TNFSF4: variants seen among roughly 807,000 people sequenced by gnomAD.
TNFSF4 encodes the protein tumor necrosis factor ligand superfamily member 4.
In TNFSF4, 4 loss-of-function variants were observed where a neutral mutation model predicts 7.3. The observed-to-expected ratio is 0.55, with a 90% CI of 0.27 to 1.25. The LOEUF (loss-of-function observed/expected upper bound fraction) is 1.25. Ranked by LOEUF, TNFSF4 falls within the 50% of genes most tolerant of loss-of-function variation. TNFSF4 has a pLI of 0.12. For synonymous variants in TNFSF4, 76 were observed against 83.7 expected, an observed-to-expected ratio of 0.91 and a Z score of 0.50; for missense variants, 181 against 208.8, an observed-to-expected ratio of 0.87 and a Z score of 0.82.
At chr1:173,411,261 T>TCAGGGG in the TNFSF4 span, among the ~76,000 whole-genome samples, 2 of 152,100 alleles carry the variant, frequency 1.3e-5, no homozygotes, top group African/African-American at 2.4e-5. Context: ...TGGACTAGTG[T>TCAGGGG]CAGGGGCAGG....
chr1:173,393,407 C>A, the TNFSF4 span, among the ~76,000 whole-genome samples: 1 of 152,236 alleles, frequency 6.6e-6, no homozygotes, highest in Non-Finnish European at 1.5e-5. Context: ...TGCCTCACAA[C>A]TGTCTCCTTG....
the TNFSF4 span, among the ~76,000 whole-genome samples, chr1:173,412,963 T>C: frequency 6.6e-6 from 1 of 152,196 alleles, no homozygotes; most frequent in Non-Finnish European, 1.5e-5. Context: ...ACATACTCAC[T>C]CCTGCATCCA....
At chr1:173,373,737 C>A in the TNFSF4 span, among the ~76,000 whole-genome samples, 1 of 152,188 alleles carries the variant, frequency 6.6e-6, no homozygotes, top group East Asian at 1.9e-4. Flanking sequence ...AGACTTCAAC[C>A]ATATGACTAA....
the TNFSF4 span, among the ~76,000 whole-genome samples, chr1:173,378,709 C>A: frequency 1.3e-5 from 2 of 152,158 alleles, no homozygotes; most frequent in African/African-American, 4.8e-5. Context: ...GGAGAATACA[C>A]AACTATGCAA....
chr1:173,377,539 C>T, the TNFSF4 span, among the ~76,000 whole-genome samples: 3 of 152,246 alleles, frequency 2.0e-5, no homozygotes, highest in Non-Finnish European at 4.4e-5. Flanking sequence ...TCCTATCGAT[C>T]CTGACCCTTG....
the TNFSF4 span, among the ~76,000 whole-genome samples, chr1:173,219,399 A>G: frequency 3.3e-5 from 5 of 152,176 alleles, no homozygotes; most frequent in Non-Finnish European, 5.9e-5. Context: ...TTTAAAGATC[A>G]TCTGTTTTGT....
At chr1:173,422,043 T>G in the TNFSF4 span, among the ~76,000 whole-genome samples, 37 of 152,150 alleles carry the variant, frequency 2.4e-4, no homozygotes, top group African/African-American at 8.2e-4. Flanking sequence ...CCCACAGCTA[T>G]ACGAGAACAC....
At chr1:173,422,629 G>T in the TNFSF4 span, among the ~76,000 whole-genome samples, 1 of 152,142 alleles carries the variant, frequency 6.6e-6, no homozygotes, top group African/African-American at 2.4e-5. Context: ...ACCAGGCTGA[G>T]GCTGAGAAGA....
the TNFSF4 span, among the ~76,000 whole-genome samples, chr1:173,360,913 C>A: frequency 6.6e-6 from 1 of 152,122 alleles, no homozygotes; most frequent in African/African-American, 2.4e-5. Context: ...GCATTTCACA[C>A]GGGCTGCTGA....
chr1:173,177,452 T>C, the TNFSF4 span, among the ~76,000 whole-genome samples: 701 of 151,978 alleles, frequency 4.6e-3, 10 homozygotes, highest in African/African-American at 0.016. Flanking sequence ...GAGGGTAGAG[T>C]GTGCGAGGAG....
chr1:173,375,621 T>C, the TNFSF4 span, among the ~76,000 whole-genome samples: 2 of 149,722 alleles, frequency 1.3e-5, no homozygotes, highest in Admixed American at 6.6e-5. Context: ...ATCAGTGCTC[T>C]GTAAAATGCA....
chr1:173,296,097 T>C, the TNFSF4 span, among the ~76,000 whole-genome samples: 5 of 152,024 alleles, frequency 3.3e-5, no homozygotes, highest in African/African-American at 1.2e-4. Flanking sequence ...AAAGATGTTA[T>C]GCAACCACAC....
chr1:173,191,665 C>A (rs1256750399), intron 1 of TNFSF4, among the ~76,000 whole-genome samples: 2 of 152,192 alleles, frequency 1.3e-5, no homozygotes, highest in East Asian at 3.8e-4. Flanking sequence ...TAGGATGGCA[C>A]AAAGAGCATA....
the TNFSF4 span, chr1:173,175,301 C>A: frequency 7.9e-5 from 12 of 152,144 alleles, no homozygotes; most frequent in African/African-American, 2.9e-4. Context: ...TGCTTTAGAC[C>A]AACCATATTA....
chr1:173,361,186 G>C, the TNFSF4 span, among the ~76,000 whole-genome samples: 6 of 152,296 alleles, frequency 3.9e-5, no homozygotes, highest in East Asian at 9.6e-4. Flanking sequence ...TTTTAAAATA[G>C]GTGGGTCCAG....
chr1:173,282,508 G>C, the TNFSF4 span, among the ~76,000 whole-genome samples: 1 of 151,624 alleles, frequency 6.6e-6, no homozygotes, highest in African/African-American at 2.4e-5. Context: ...GCCCAGGCTG[G>C]AGTGCAGTGG....
At chr1:173,322,192 A>G in the TNFSF4 span, among the ~76,000 whole-genome samples, 2 of 152,204 alleles carry the variant, frequency 1.3e-5, no homozygotes, top group Admixed American at 1.3e-4. Flanking sequence ...GGAAGCCATC[A>G]TTCTCAGCAA....
chr1:173,177,975 C>G, the TNFSF4 span, among the ~76,000 whole-genome samples: 14 of 152,296 alleles, frequency 9.2e-5, no homozygotes, highest in East Asian at 2.7e-3. Flanking sequence ...ATAAATAACA[C>G]AGTTTCAGAA....
downstream of TNFSF4, among the ~76,000 whole-genome samples, chr1:173,180,486 G>A (rs1475610132): frequency 2.0e-5 from 3 of 152,110 alleles, no homozygotes; most frequent in Non-Finnish European, 4.4e-5. Flanking sequence ...CTACTGCTCT[G>A]TCTCAGGTCT....
Sources: allele counts gnomAD v4.1 joint callset (sites outside exome capture counted in the v4.1 genomes callset), GRCh38; gene constraint gnomAD v4.1.1; transcripts MANE v1.5; gene names NCBI Gene and HGNC (gene_info 2026-07-23, HGNC 2026-07-21).